The following PAPOLA variants were observed in gnomAD, a reference collection of about 807,000 sequenced individuals.
The protein encoded by PAPOLA is polynucleotide adenylyltransferase alpha.
PAPOLA carries 15 observed loss-of-function variants against 100.6 expected under a neutral mutation model. The ratio of observed to expected loss-of-function variants is 0.15; its 90% confidence interval spans 0.10 to 0.23. The LOEUF (loss-of-function observed/expected upper bound fraction) is 0.23, where lower values mean the gene tolerates loss of function less well. Among genes scored for constraint, PAPOLA ranks in the 10% least tolerant of loss-of-function variants. The pLI is 1.00. For synonymous variants in PAPOLA, 293 were observed against 300.0 expected (o/e 0.98, Z 0.24); for missense variants, 533 against 884.2 (o/e 0.60, Z 5.04).
chr14:96,544,039 T>A lies in PAPOLA; in HGVS notation c.1290-110T>A. 7.6e-6 allele frequency: 5 copies of A among 661,490 alleles called. No individual in the cohort carries two copies. The South Asian group carries it at 9.4e-5, about 12-fold the overall frequency. 41.0% of individuals were successfully genotyped at this position (661,490 alleles called of 1,614,324 possible). On this transcript the variant is annotated intron_variant, in intron 14 of 21. Transcript: ENST00000216277. ...GGAGCTTGGGCTTAGAACTTTTAGT[T>A]TGCTCATACATTTGTATTGTAAGTT...
At chr14:96,542,028 C>T (rs1041217149) in intron 12 of PAPOLA, 8 of 346,056 alleles carry the variant, frequency 2.3e-5, no homozygotes, top group East Asian at 4.6e-5. Context: ...GGTAATTATT[C>T]ATAAAGTCAC....
At chr14:96,505,165 A>G (rs1025390488) in intron 1 of PAPOLA, among the ~76,000 whole-genome samples, 8 of 152,182 alleles carry the variant, frequency 5.3e-5, no homozygotes, top group Non-Finnish European at 7.3e-5. Context: ...GTCATTATTG[A>G]CATTTATGCC....
At chr14:96,554,110 A>G (rs1901091286) in intron 17 of PAPOLA, among the ~76,000 whole-genome samples, 1 of 152,176 alleles carries the variant, frequency 6.6e-6, no homozygotes, top group Admixed American at 6.5e-5. Context: ...AATGTGTACA[A>G]CTGTACTAAA....
intron 4 of PAPOLA, chr14:96,526,433 A>G (rs906010215): frequency 3.3e-5 from 5 of 152,368 alleles, no homozygotes; most frequent in African/African-American, 1.2e-4. Context: ...CCTGGGCTCA[A>G]TTGATTTTCA....
At chr14:96,544,867 T>A (rs1226504023) in intron 15 of PAPOLA, among the ~76,000 whole-genome samples, 1 of 152,066 alleles carries the variant, frequency 6.6e-6, no homozygotes, top group Non-Finnish European at 1.5e-5. Flanking sequence ...TGTTAATGCA[T>A]AGGTGGGAAA....
chr14:96,565,975 G>T lies in PAPOLA; in HGVS notation c.*925G>T. On this transcript the variant is annotated 3_prime_UTR_variant, in exon 22 of 22. Coordinates refer to ENST00000216277, the MANE Select transcript of PAPOLA (RefSeq NM_032632.5). Reference sequence around the variant, plus strand: ...CATGATGTGAAACCAATGACCCTGTGACCACATGGCACAGAACACTAAATT... The same window carrying T: ...CATGATGTGAAACCAATGACCCTGTTACCACATGGCACAGAACACTAAATT... 5.0e-6 allele frequency: 2 copies of T among 398,026 alleles called. No homozygotes were observed. Among genetic ancestry groups the T allele is most frequent in the South Asian group, 2.6e-4 (2 of 7,754 alleles). The allele number at this position is 398,026 out of a possible 1,614,324, so 24.7% of individuals were successfully genotyped here.
At chr14:96,507,128 T>C (rs574611547) in intron 1 of PAPOLA, among the ~76,000 whole-genome samples, 1 of 152,284 alleles carries the variant, frequency 6.6e-6, no homozygotes, top group East Asian at 1.9e-4. Context: ...CCAGGTTTTC[T>C]TCATATGCTT....
chr14:96,564,392 T>C (rs1796785580), intron 21 of PAPOLA, among the ~76,000 whole-genome samples: 2 of 152,266 alleles, frequency 1.3e-5, no homozygotes, highest in South Asian at 4.1e-4. Flanking sequence ...AAGATCCATC[T>C]CTGTATTTTT....
chr14:96,566,097 G>C lies in PAPOLA; in HGVS notation c.*1047G>C, dbSNP rs1425564257. The stretch of plus-strand genomic sequence containing the variant: ...CCATTTGATCTCTAAAAGGAATTTT[G>C]TACACTCCACAGAACTCCTATCTAT... On this transcript the variant is annotated 3_prime_UTR_variant, in exon 22 of 22. Transcript: ENST00000216277. The C allele has an allele frequency of 2.5e-5, 10 of 394,458 alleles. No homozygotes were observed. The highest frequency in any genetic ancestry group is 4.5e-5 in the Non-Finnish European group (10 of 223,440). The allele number at this position is 394,458 out of a possible 1,614,324, so 24.4% of individuals were successfully genotyped here.
At chr14:96,506,819 A>C (rs1004205366) in intron 1 of PAPOLA, among the ~76,000 whole-genome samples, 1 of 152,252 alleles carries the variant, frequency 6.6e-6, no homozygotes, top group African/African-American at 2.4e-5. Context: ...TTCAGAGTGC[A>C]AGGTAAACCA....
chr14:96,505,272 C>A (rs1250528400), intron 1 of PAPOLA, among the ~76,000 whole-genome samples: 2 of 152,120 alleles, frequency 1.3e-5, no homozygotes, highest in East Asian at 3.8e-4. Context: ...CCCTCCATTT[C>A]CCCAGTAATG....
At chr14:96,536,394 C>T (rs1163263773) in intron 11 of PAPOLA, among the ~76,000 whole-genome samples, 2 of 151,992 alleles carry the variant, frequency 1.3e-5, no homozygotes, top group Non-Finnish European at 2.9e-5. Context: ...TTTGGAGGAA[C>T]CTTTTAACTT....
At chr14:96,534,338 T>TAGTC in intron 9 of PAPOLA, 153 bp from the exon 10 acceptor site, 2 of 1,378,230 alleles carry the variant, frequency 1.5e-6, no homozygotes, top group Non-Finnish European at 1.9e-6. Flanking sequence ...AGATTTTGAG[T>TAGTC]AGTCTAATGT....
intron 14 of PAPOLA, 71 bp from the exon 15 acceptor site, chr14:96,544,078 G>C (rs1900199340): frequency 1.2e-6 from 1 of 825,296 alleles, no homozygotes; most frequent in Admixed American, 2.1e-5. Context: ...CCATGTCTCT[G>C]ATTGTCAGCC....
At chr14:96,530,732 G>A (rs542784504) in intron 6 of PAPOLA, among the ~76,000 whole-genome samples, 7 of 152,154 alleles carry the variant, frequency 4.6e-5, no homozygotes, top group African/African-American at 1.7e-4. Flanking sequence ...CCTATGATAC[G>A]AAATAATATA....
chr14:96,511,523 G>A (rs369254363), intron 1 of PAPOLA, among the ~76,000 whole-genome samples: 2 of 152,098 alleles, frequency 1.3e-5, no homozygotes, highest in African/African-American at 2.4e-5. Context: ...TCTCCTTTCC[G>A]ATCATTTACT....
chr14:96,531,610 T>G (rs1408457102), intron 7 of PAPOLA, 24 bp downstream of exon 7: 1 of 1,580,754 alleles, frequency 6.3e-7, no homozygotes. Context: ...TACTTCCTTT[T>G]GTGTACTTCA....
In PAPOLA at chr14:96,542,796, A is replaced by C; in HGVS notation, c.1192A>C (p.Ile398Leu). 1.2e-6 allele frequency: 2 copies of C among 1,610,772 alleles called. No individual in the cohort carries two copies. Among genetic ancestry groups the C allele is most frequent in the Non-Finnish European group, 1.7e-6 (2 of 1,179,116 alleles). ...CAGGGTGGGCTTGGTGGAATCAAAA[A>C]TCCGAATCCTGGTTGGAAGCTTGGA... ...LEWVGLVESK[I>L]RILVGSLEKN... The change falls in exon 14 of 22, where the codon ATC becomes CTC. Residue 398 changes from isoleucine to leucine, a missense_variant. Transcript: ENST00000216277.
intron 1 of PAPOLA, among the ~76,000 whole-genome samples, chr14:96,513,636 A>G (rs1364237040): frequency 1.3e-5 from 2 of 152,194 alleles, no homozygotes; most frequent in African/African-American, 2.4e-5. Flanking sequence ...ACCATGGCCA[A>G]CATTGGAGGT....
Sources: allele counts gnomAD v4.1 joint callset (sites outside exome capture counted in the v4.1 genomes callset), GRCh38; gene constraint gnomAD v4.1.1; transcripts MANE v1.5; gene names NCBI Gene and HGNC (gene_info 2026-07-23, HGNC 2026-07-21).